PTK6: variants seen among roughly 807,000 people sequenced by gnomAD.
PTK6 encodes the protein protein tyrosine kinase 6.
In PTK6, 47 loss-of-function variants were observed where a neutral mutation model predicts 47.5. The observed-to-expected ratio is 0.99, with a 90% CI of 0.78 to 1.26. PTK6 has a LOEUF of 1.26. PTK6 is among the 50% of genes most tolerant of loss of function. The pLI, the probability that PTK6 is intolerant of heterozygous loss-of-function variation, is 0.00. For missense variants in PTK6, 618 were observed against 625.3 expected (o/e 0.99, Z 0.12); for synonymous variants, 287 against 276.5 (o/e 1.04, Z -0.38).
Position 63,529,216 on chromosome 20 carries a change from G to A in PTK6, c.*320C>T, listed in dbSNP as rs887642705. 3 of 238,824 alleles carry A rather than the reference G, an allele frequency of 1.3e-5. No homozygotes were observed. Among genetic ancestry groups the A allele is most frequent in the African/African-American group, 4.5e-5 (2 of 44,400 alleles). The allele number at this position is 238,824 out of a possible 1,614,324, so 14.8% of individuals were successfully genotyped here. A position where few individuals can be genotyped will look rare whatever the true frequency, so the allele number is the denominator to read the frequency against. On this transcript the variant is annotated 3_prime_UTR_variant, in exon 8 of 8. Transcript: ENST00000542869. This position sits in a 1 kb window ranked among gnomAD's most constrained non-coding sequence, Gnocchi z 5.6. ...GTGTTTGCCTCCCACCCTCAGCCGGGCACTGCAGACAGACAGCCAGAGAGC... is the reference window on the plus strand; with the variant it reads ...GTGTTTGCCTCCCACCCTCAGCCGGACACTGCAGACAGACAGCCAGAGAGC...
chr20:63,534,839 C>A, intron 2 of PTK6, 99 bp downstream of exon 2: 1 of 1,439,800 alleles, frequency 6.9e-7, no homozygotes, highest in South Asian at 1.4e-5. Flanking sequence ...CCCATGTCCC[C>A]CGTCTCAGCC....
intron 5 of PTK6, 66 bp downstream of exon 5, chr20:63,532,460 G>C (rs898621438): frequency 6.7e-7 from 1 of 1,501,940 alleles, no homozygotes; most frequent in Non-Finnish European, 9.0e-7. Flanking sequence ...TGGGGGGGGG[G>C]TGTGCACTTT....
Position 63,533,193 on chromosome 20 carries a change from G to T in PTK6, c.670+358C>A, listed in dbSNP as rs186510244. Among the ~76,000 whole-genome samples the T allele has an allele frequency of 6.6e-6, 1 of 151,396 alleles. No individual in the cohort carries two copies. The highest frequency in any genetic ancestry group is 2.4e-5 in the African/African-American group (1 of 41,070). ...AGCGATTCTCCTGCCTCAGCCTCCC[G>T]AGTAGCTGGGACTACAGGCACATGC... On this transcript the variant is annotated intron_variant, in intron 4 of 7. Transcript: ENST00000542869. The surrounding 1 kb of genome is among the most constrained non-coding windows in gnomAD (Gnocchi z 4.0).
At position 63,532,660 on chromosome 20, in the gene PTK6, T is replaced by G; in HGVS notation, c.698A>C (p.Gln233Pro). 1 of 1,614,084 alleles carries G rather than the reference T, an allele frequency of 6.2e-7. No homozygotes were observed. The highest frequency in any genetic ancestry group is 2.2e-5 in the East Asian group (1 of 44,886). ...CTTCTTCATGGCCTGGATCTCCGAC[T>G]GCAGCATCTGCTGGTGCAGGAGGTT... is the stretch of plus-strand genomic sequence containing the variant. The part of the protein sequence containing the change: ...RDNLLHQQML[Q>P]SEIQAMKKLR... Residue 233 changes from glutamine (Q) to proline (P), a missense_variant, in exon 5 of 8, where the codon CAG becomes CCG. Physicochemically the swap from Gln to Pro is moderately conservative, Grantham distance 76 (BLOSUM62 -1). Transcript: ENST00000542869.
Position 63,530,706 on chromosome 20 carries a change from C to T in PTK6, c.1014+40G>A. On this transcript the variant is annotated intron_variant, in intron 6 of 7. Transcript: ENST00000542869. This position sits in a 1 kb window ranked among gnomAD's most constrained non-coding sequence, Gnocchi z 4.1. ...GGAAGCCCCCAGCCCTCCGGCCACG[C>T]CCCGGCCACGACCCCAGCCACGCCC... The T allele has an allele frequency of 6.2e-7, 1 of 1,603,644 alleles. No homozygotes were observed. The highest frequency in any genetic ancestry group is 8.5e-7 in the Non-Finnish European group (1 of 1,174,666).
intron 1 of PTK6, 104 bp downstream of exon 1, chr20:63,536,981 G>C: frequency 2.4e-6 from 3 of 1,247,470 alleles, no homozygotes; most frequent in South Asian, 1.5e-5. Flanking sequence ...ATGGAACCGG[G>C]GTCCCCACCT....
At chr20:63,531,003 A>C in intron 5 of PTK6, 76 bp from the exon 6 acceptor site, 1 of 1,327,352 alleles carries the variant, frequency 7.5e-7, no homozygotes, top group Non-Finnish European at 1.0e-6. Flanking sequence ...AGGCTGGGCC[A>C]TGTCTCATCT....
intron 5 of PTK6, among the ~76,000 whole-genome samples, chr20:63,532,121 ATCTGTGTGTG>A (rs2082626041): frequency 7.0e-6 from 1 of 143,286 alleles, no homozygotes; most frequent in Non-Finnish European, 1.5e-5. Context: ...AGCCAATGTG[ATCTGTGTGTG>A]TCTGTGTGTG....
At chr20:63,536,784 G>A (rs890276348) in intron 1 of PTK6, among the ~76,000 whole-genome samples, 31 of 152,306 alleles carry the variant, frequency 2.0e-4, no homozygotes, top group Non-Finnish European at 2.6e-4. Context: ...TGTCCTCCCT[G>A]GGTCCCGGCA....
chr20:63,530,945 G>A lies in PTK6; in HGVS notation c.833-18C>T, dbSNP rs769446094. 4 of 1,579,590 alleles carry A rather than the reference G, an allele frequency of 2.5e-6. No homozygotes were observed. The African/African-American group carries it at 5.4e-5, about 22-fold the overall frequency. On this transcript the variant is annotated intron_variant, in intron 5 of 7. Coordinates refer to ENST00000542869, the MANE Select transcript of PTK6 (RefSeq NM_005975.4). This position sits in a 1 kb window ranked among gnomAD's most constrained non-coding sequence, Gnocchi z 4.1. ...ATCAGAGTCTGCAGAGGGGAGTGGA[G>A]CAGAGCCTGGGGTCAGCTGAGCCAG... is the stretch of plus-strand genomic sequence containing the variant.
rs1193403024 is a variant in PTK6, at chr20:63,530,370, A to T, written c.1015-139T>A. On this transcript the variant is annotated intron_variant, in intron 6 of 7. Coordinates refer to ENST00000542869, the MANE Select transcript of PTK6 (RefSeq NM_005975.4). This position sits in a 1 kb window ranked among gnomAD's most constrained non-coding sequence, Gnocchi z 4.1. Reference sequence around the variant, plus strand: ...TGTCTGACCCACGCACGGCCGCTGCAGCTAAGGCCACACTGGGGCCTGACC... The same window carrying T: ...TGTCTGACCCACGCACGGCCGCTGCTGCTAAGGCCACACTGGGGCCTGACC... The T allele has an allele frequency of 8.9e-7, 1 of 1,128,964 alleles. No individual in the cohort carries two copies. Among genetic ancestry groups the T allele is most frequent in the Non-Finnish European group, 1.3e-6 (1 of 798,634 alleles). 69.9% of individuals were successfully genotyped at this position (1,128,964 alleles called of 1,614,324 possible). A position where few individuals can be genotyped will look rare whatever the true frequency, so the allele number is the denominator to read the frequency against.
At chr20:63,531,007 C>G (rs1004108991) in intron 5 of PTK6, 80 bp from the exon 6 acceptor site, 4 of 1,288,398 alleles carry the variant, frequency 3.1e-6, no homozygotes, top group Non-Finnish European at 4.2e-6. Flanking sequence ...TGGGCCATGT[C>G]TCATCTGCCT....
rs117636275 is a variant in PTK6, at chr20:63,530,036, A to G, written c.1168+42T>C. On this transcript the variant is annotated intron_variant, in intron 7 of 7. Coordinates refer to ENST00000542869, the MANE Select transcript of PTK6 (RefSeq NM_005975.4). The surrounding 1 kb of genome is among the most constrained non-coding windows in gnomAD (Gnocchi z 4.1). ...CTGCCGGCTACCCAGGACCTCCCCC[A>G]CTCTGCCTCTCATGCCCAGTCAGGG... 38,958 of 1,606,918 alleles carry G rather than the reference A, an allele frequency of 0.024. 573 individuals are homozygous for G. Among genetic ancestry groups the G allele is most frequent in the Non-Finnish European group, 0.027 (31,761 of 1,176,104 alleles).
intron 1 of PTK6, among the ~76,000 whole-genome samples, 182 bp downstream of exon 1, chr20:63,536,903 C>A (rs1351362909): frequency 6.6e-6 from 1 of 152,228 alleles, no homozygotes; most frequent in Non-Finnish European, 1.5e-5. Context: ...CACTCCTGGG[C>A]GCCAGCGCAT....
chr20:63,535,645 G>A (rs3855683), intron 1 of PTK6, among the ~76,000 whole-genome samples: 3,048 of 151,934 alleles, frequency 0.02, 53 homozygotes, highest in Non-Finnish European at 0.027. Context: ...TCAGGTCACT[G>A]GAACACAAAC....
intron 2 of PTK6, 152 bp downstream of exon 2, chr20:63,534,770 AGGCCCCAGGGAGGAGC>A (rs2082651003): frequency 2.8e-6 from 3 of 1,065,196 alleles, no homozygotes; most frequent in Non-Finnish European, 3.9e-6. Flanking sequence ...CCAGTGACCC[AGGCCCCAGGGAGGAGC>A]GGGCCAGGTG....
rs544773789 is a variant in PTK6, at chr20:63,537,374, C to T, written c.-60G>A. ...CCCAGCTGGAGCACCCAGAGCTGGG[C>T]GTGGCAGGCGGGCCGTCCCACTTCC... On this transcript the variant is annotated 5_prime_UTR_variant, in exon 1 of 8. Transcript: ENST00000542869. The T allele has an allele frequency of 4.4e-5, 62 of 1,419,350 alleles. No individual in the cohort carries two copies. Among genetic ancestry groups the T allele is most frequent in the Middle Eastern group, 2.3e-4 (1 of 4,278 alleles). 87.9% of individuals were successfully genotyped at this position (1,419,350 alleles called of 1,614,324 possible).
chr20:63,529,662 C>T lies in PTK6; in HGVS notation c.1230G>A (p.Leu410=), dbSNP rs778916708. The change falls in exon 8 of 8, where the codon CTG becomes CTA. Residue 410 remains leucine, a synonymous_variant. Coordinates refer to ENST00000542869, the MANE Select transcript of PTK6 (RefSeq NM_005975.4). This position sits in a 1 kb window ranked among gnomAD's most constrained non-coding sequence, Gnocchi z 5.6. The part of the protein sequence containing the change: ...VDAGYRMPCP[L]ECPPSVHKLM... The stretch of plus-strand genomic sequence containing the variant: ...GCTTGTGCACGCTGGGCGGGCACTC[C>T]AGAGGGCAGGGCATGCGGTAGCCGG... 8 of 1,547,410 alleles carry T rather than the reference C, an allele frequency of 5.2e-6. No homozygotes were observed. Among genetic ancestry groups the T allele is most frequent in the Admixed American group, 2.0e-5 (1 of 49,408 alleles).
chr20:63,534,426 T>C, intron 2 of PTK6, 111 bp from the exon 3 acceptor site: 1 of 1,359,940 alleles, frequency 7.4e-7, no homozygotes, highest in East Asian at 2.5e-5. Context: ...CAGTTGCTGT[T>C]GGTGCTTCCT....
Sources: gnomAD v4.1 joint callset for allele counts (sites outside exome capture counted in the v4.1 genomes callset) on GRCh38, gnomAD v4.1.1 for gene constraint, Gnocchi (gnomAD v3.1) non-coding constraint, MANE v1.5 for transcripts, NCBI Gene and HGNC (gene_info 2026-07-23, HGNC 2026-07-21) for gene names.